Variants in NBAS observed in about 807,000 individuals in gnomAD.
NBAS encodes NBAS subunit of NRZ tethering complex.
Under a neutral mutation model 302.5 loss-of-function variants are expected in NBAS, and 219 were observed. The observed-to-expected ratio is 0.72, with a 90% CI of 0.65 to 0.81. The LOEUF (loss-of-function observed/expected upper bound fraction) is 0.81. NBAS is among the 30% of genes least tolerant of loss of function. The pLI is 0.00. For missense variants in NBAS, 2,932 were observed against 2,841.6 expected (o/e 1.03, Z -0.72); for synonymous variants, 1,118 against 1,021.6 (o/e 1.09, Z -1.80).
chr2:15,318,031 C>T (rs1301414556), intron 38 of NBAS, among the ~76,000 whole-genome samples: 1 of 152,212 alleles, frequency 6.6e-6, no homozygotes, highest in Non-Finnish European at 1.5e-5. Flanking sequence ...GGAAGCCCAT[C>T]AGACTAACAG....
the NBAS span, among the ~76,000 whole-genome samples, chr2:14,782,055 A>C: frequency 1.3e-5 from 2 of 152,110 alleles, no homozygotes; most frequent in Non-Finnish European, 2.9e-5. Flanking sequence ...TTCCACTAAT[A>C]AAACTCCACT....
At chr2:15,365,547 C>T (rs189676043) in intron 32 of NBAS, among the ~76,000 whole-genome samples, 15 of 152,282 alleles carry the variant, frequency 9.9e-5, no homozygotes, top group Admixed American at 9.2e-4. Context: ...AGTGTTCTGA[C>T]TCCACATGAA....
chr2:15,401,069 C>CT (rs1453766650), intron 26 of NBAS, among the ~76,000 whole-genome samples: 3 of 151,996 alleles, frequency 2.0e-5, no homozygotes, highest in Non-Finnish European at 4.4e-5. Flanking sequence ...GTCAGGCTGT[C>CT]TGACTGTAAG....
At chr2:15,534,016 G>A (rs1022553465) in intron 9 of NBAS, among the ~76,000 whole-genome samples, 36 of 152,192 alleles carry the variant, frequency 2.4e-4, no homozygotes, top group African/African-American at 5.5e-4. Context: ...AATTAAAGGG[G>A]AGAAATCACT....
chr2:15,140,008 T>C, the NBAS span, among the ~76,000 whole-genome samples: 108,572 of 151,992 alleles, frequency 0.71, 39,255 homozygotes, highest in Non-Finnish European at 0.79. Flanking sequence ...ACGTGGTGGA[T>C]GTAATGCAAT....
At chr2:15,248,018 T>C (rs1263600902) in intron 44 of NBAS, among the ~76,000 whole-genome samples, 12 of 152,116 alleles carry the variant, frequency 7.9e-5, no homozygotes, top group East Asian at 1.9e-4. Context: ...CAGCACCACA[T>C]TGCACTTATT....
chr2:15,041,919 G>C, the NBAS span, among the ~76,000 whole-genome samples: 1 of 152,154 alleles, frequency 6.6e-6, no homozygotes, highest in African/African-American at 2.4e-5. Context: ...TCAGGCTTGA[G>C]AGCACACGTT....
chr2:14,803,512 C>T, the NBAS span, among the ~76,000 whole-genome samples: 18 of 152,144 alleles, frequency 1.2e-4, no homozygotes, highest in Non-Finnish European at 1.5e-5. Flanking sequence ...GAAACCTTTC[C>T]CCAGGTAGTA....
intron 36 of NBAS, among the ~76,000 whole-genome samples, chr2:15,328,808 C>A (rs1476778154): frequency 6.6e-6 from 1 of 152,168 alleles, no homozygotes; most frequent in East Asian, 1.9e-4. Flanking sequence ...GGCTAACTTT[C>A]CACCTCAACC....
At chr2:14,897,398 G>A in the NBAS span, among the ~76,000 whole-genome samples, 5 of 152,096 alleles carry the variant, frequency 3.3e-5, no homozygotes, top group African/African-American at 1.2e-4. Context: ...TAGGTAAAAT[G>A]TGAAAACACT....
At chr2:15,093,838 T>C in the NBAS span, among the ~76,000 whole-genome samples, 5 of 152,198 alleles carry the variant, frequency 3.3e-5, no homozygotes, top group Admixed American at 2.6e-4. Context: ...AAAAAGACTA[T>C]GTTTAAGCAT....
At chr2:14,866,640 T>G in the NBAS span, among the ~76,000 whole-genome samples, 2 of 152,156 alleles carry the variant, frequency 1.3e-5, no homozygotes, top group African/African-American at 4.8e-5. Flanking sequence ...AATATTCTTC[T>G]CACTCACTCC....
At chr2:15,082,773 G>C in the NBAS span, among the ~76,000 whole-genome samples, 4 of 152,316 alleles carry the variant, frequency 2.6e-5, no homozygotes, top group African/African-American at 9.6e-5. Context: ...AAAGCACATG[G>C]CATGCATTCT....
Position 15,475,775 on chromosome 2 carries a change from A to G in NBAS, c.1253T>C (p.Leu418Ser), listed in dbSNP as rs369178249. ...ACAGGATTTTCCCAGTAAATTCTTC[A>G]AAGTTTTCACAGATGAAACAGTTAA... ...GALTVSSVKT[L>S]KNLLGKSCEW... Residue 418 changes from leucine (L) to serine (S), a missense_variant, in exon 14 of 52, where the codon TTG becomes TCG. Leu to Ser is a moderately radical substitution (Grantham distance 145). Coordinates refer to ENST00000281513, the MANE Select transcript of NBAS (RefSeq NM_015909.4). 29 of 1,614,028 alleles carry G rather than the reference A, an allele frequency of 1.8e-5. No homozygotes were observed. The highest frequency in any genetic ancestry group is 2.4e-5 in the Non-Finnish European group (28 of 1,179,998).
the NBAS span, among the ~76,000 whole-genome samples, chr2:14,904,803 A>G: frequency 6.6e-6 from 1 of 152,198 alleles, no homozygotes; most frequent in Non-Finnish European, 1.5e-5. Flanking sequence ...TAATCCCAGC[A>G]CTTTGGGAGG....
chr2:15,181,906 C>G (rs1275546612), intron 50 of NBAS, among the ~76,000 whole-genome samples: 1 of 152,172 alleles, frequency 6.6e-6, no homozygotes, highest in Non-Finnish European at 1.5e-5. Flanking sequence ...ATGCAGAGAC[C>G]GAGGGGCTTA....
At chr2:14,943,533 A>G in the NBAS span, among the ~76,000 whole-genome samples, 1 of 152,366 alleles carries the variant, frequency 6.6e-6, no homozygotes, top group Admixed American at 6.5e-5. Context: ...GAAAACATTC[A>G]GGGTAATTTA....
chr2:15,095,973 T>TA, the NBAS span, among the ~76,000 whole-genome samples: 8 of 152,196 alleles, frequency 5.3e-5, no homozygotes, highest in Non-Finnish European at 7.3e-5. Context: ...GCTTCCCTGG[T>TA]GCCAGAGCCA....
the NBAS span, among the ~76,000 whole-genome samples, chr2:14,958,289 G>A: frequency 2.0e-5 from 3 of 152,232 alleles, no homozygotes; most frequent in Non-Finnish European, 4.4e-5. Context: ...TGGCGTCCTT[G>A]GAGAGTCACT....
Sources: allele counts gnomAD v4.1 joint callset (sites outside exome capture counted in the v4.1 genomes callset), GRCh38; gene constraint gnomAD v4.1.1; transcripts MANE v1.5; gene names NCBI Gene and HGNC (gene_info 2026-07-23, HGNC 2026-07-21).